PRELID3B: variants seen among roughly 807,000 people sequenced by gnomAD.
PRELID3B encodes PRELI domain containing protein 3B.
In PRELID3B, 15 loss-of-function variants were observed where a neutral mutation model predicts 24.0. The ratio of observed to expected loss-of-function variants is 0.63; its 90% CI spans 0.42 to 0.96. The LOEUF (loss-of-function observed/expected upper bound fraction) is 0.96. PRELID3B is among the 40% of genes least tolerant of loss of function. PRELID3B has a pLI of 0.00. For synonymous variants in PRELID3B, 62 were observed against 76.0 expected (o/e 0.82, Z 0.96); for missense variants, 189 against 236.0 (o/e 0.80, Z 1.30).
In PRELID3B at chr20:59,036,754, A is replaced by G. The variant is rs917875003; in HGVS notation, c.298T>C (p.Phe100Leu). Reference protein sequence around the residue: ...TMELKSTNISFTNMVSVDERL... With the variant: ...TMELKSTNISLTNMVSVDERL... Reference sequence around the variant, plus strand: ...TCATCTACTGAAACCATGTTTGTAAATGAAATCTACAGAATGAAGAAAAAA... The same window carrying G: ...TCATCTACTGAAACCATGTTTGTAAGTGAAATCTACAGAATGAAGAAAAAA... The change falls in exon 4 of 6, where the codon TTT (phenylalanine) becomes CTT (leucine). Residue 100 changes from phenylalanine to leucine, a missense_variant. Coordinates refer to ENST00000355937, the MANE Select transcript of PRELID3B (RefSeq NM_016045.3). 29 of 1,567,592 alleles carry G rather than the reference A, an allele frequency of 1.8e-5. No individual in the cohort carries two copies. The highest frequency in any genetic ancestry group is 3.6e-5 in the Admixed American group (2 of 55,758).
At chr20:59,042,588 C>T in intron 1 of PRELID3B, 111 bp downstream of exon 1, 1 of 1,269,318 alleles carries the variant, frequency 7.9e-7, no homozygotes, top group Non-Finnish European at 1.1e-6. Context: ...GAGTTCGCTC[C>T]CCTCGCTAGG....
chr20:59,037,311 AG>A, intron 2 of PRELID3B, 31 bp from the exon 3 acceptor site: 1 of 1,481,738 alleles, frequency 6.7e-7, no homozygotes. Flanking sequence ...TAGGAATCAG[AG>A]GAGGAAGAAT....
At position 59,042,750 on chromosome 20, in the gene PRELID3B, A is replaced by G; in HGVS notation, c.-20T>C. On this transcript the variant is annotated 5_prime_UTR_variant, in exon 1 of 6. Transcript: ENST00000355937. ...CTTCATGGTGCCGGCACCCTGAGAG[A>G]TGTCCGGGTAGCGCCAGGGGACAAC... The G allele has an allele frequency of 1.3e-6, 2 of 1,598,708 alleles. No homozygotes were observed. The highest frequency in any genetic ancestry group is 1.7e-6 in the Non-Finnish European group (2 of 1,173,420).
In PRELID3B at chr20:59,036,578, A is replaced by G. The variant is rs1456794806; in HGVS notation, c.363-5T>C. 1 of 1,610,186 alleles carries G rather than the reference A, an allele frequency of 6.2e-7. No homozygotes were observed. The highest frequency in any genetic ancestry group is 2.2e-5 in the East Asian group (1 of 44,880). ...GCTTCTTGTGTCAAAACAGTTCTGGAACAAAACATATTCACACAGGTTCAG... is the reference window on the plus strand; with the variant it reads ...GCTTCTTGTGTCAAAACAGTTCTGGGACAAAACATATTCACACAGGTTCAG... On this transcript the variant is annotated splice_polypyrimidine_tract_variant and splice_region_variant and intron_variant, in intron 4 of 5. Transcript: ENST00000355937.
rs754812373 is a variant in PRELID3B, at chr20:59,037,153, G to C, written c.291+38C>G. 4.1e-6 allele frequency: 6 copies of C among 1,478,416 alleles called. No individual in the cohort carries two copies. In the East Asian group the frequency reaches 1.1e-4, roughly 28 times the overall value. 91.6% of individuals were successfully genotyped at this position (1,478,416 alleles called of 1,614,324 possible). A position where few individuals can be genotyped will look rare whatever the true frequency, so the allele number is the denominator to read the frequency against. Reference sequence around the variant, plus strand: ...AGGAGAGGGACAAAGAACTCAGCCAGACAGTTCGAAATGAAACAAAAGGGA... The same window carrying C: ...AGGAGAGGGACAAAGAACTCAGCCACACAGTTCGAAATGAAACAAAAGGGA... On this transcript the variant is annotated intron_variant, in intron 3 of 5. Coordinates refer to ENST00000355937, the MANE Select transcript of PRELID3B (RefSeq NM_016045.3).
chr20:59,038,649 CAAAAAAAAA>C lies in PRELID3B; in HGVS notation c.33-24_33-16del, dbSNP rs61329417. Reference sequence around the variant, plus strand: ...CCCACGGGTGGCTGCCGATGTGAACCAAAAAAAAAAAAAAAAAAATTCAGACATTTAAAA... The same window carrying C: ...CCCACGGGTGGCTGCCGATGTGAACCAAAAAAAAAATTCAGACATTTAAAA... On this transcript the variant is annotated splice_polypyrimidine_tract_variant and intron_variant, in intron 1 of 5. Transcript: ENST00000355937. 32 of 1,304,054 alleles carry C rather than the reference CAAAAAAAAA, an allele frequency of 2.5e-5. No homozygotes were observed. Among genetic ancestry groups the C allele is most frequent in the Non-Finnish European group, 3.2e-5 (32 of 1,008,568 alleles). The allele number at this position is 1,304,054 out of a possible 1,614,324, so 80.8% of individuals were successfully genotyped here. A position where few individuals can be genotyped will look rare whatever the true frequency, so the allele number is the denominator to read the frequency against.
rs1257734005 is a variant in PRELID3B at position 59,037,402 on chromosome 20, A to G, written c.202-122T>C. 4 of 786,974 alleles carry G rather than the reference A, an allele frequency of 5.1e-6. No individual in the cohort carries two copies. In the Admixed American group the frequency reaches 6.1e-5, roughly 12 times the overall value. 48.7% of individuals were successfully genotyped at this position (786,974 alleles called of 1,614,324 possible). A position where few individuals can be genotyped will look rare whatever the true frequency, so the allele number is the denominator to read the frequency against. ...TTGAACCAAAAATCTGTTTTCTAAA[A>G]ACCAGAGGAAACAAGCAAAGGTCAG... On this transcript the variant is annotated intron_variant, in intron 2 of 5. Transcript: ENST00000355937.
chr20:59,035,248 T>A (rs1185181673), intron 5 of PRELID3B, 122 bp from the exon 6 acceptor site: 3 of 864,378 alleles, frequency 3.5e-6, no homozygotes, highest in Non-Finnish European at 5.1e-6. Flanking sequence ...GGATGACAGA[T>A]CGTTTTTGTC....
Position 59,036,554 on chromosome 20 carries a change from C to T in PRELID3B, c.382G>A (p.Ala128Thr). ...CTAACTCCTTTCACGGTAATTATGG[C>T]TTCTTGTGTCAAAACAGTTCTGGAA... Reference protein sequence around the residue: ...DPEKTVLTQEAIITVKGVSLS... With the variant: ...DPEKTVLTQETIITVKGVSLS... Residue 128 changes from alanine to threonine, a missense_variant, in exon 5 of 6, where the codon GCC becomes ACC. Ala to Thr is a moderately conservative substitution (Grantham distance 58). Coordinates refer to ENST00000355937, the MANE Select transcript of PRELID3B (RefSeq NM_016045.3). 2.5e-6 allele frequency: 4 copies of T among 1,614,124 alleles called. No homozygotes were observed. The highest frequency in any genetic ancestry group is 3.4e-6 in the Non-Finnish European group (4 of 1,179,966).
At chr20:59,035,964 T>TG (rs1568696800) in intron 5 of PRELID3B, among the ~76,000 whole-genome samples, 1 of 152,168 alleles carries the variant, frequency 6.6e-6, no homozygotes, top group Non-Finnish European at 1.5e-5. Context: ...AATTGGTTCT[T>TG]GGGGGGATGG....
At chr20:59,037,164 A>G in intron 3 of PRELID3B, 27 bp downstream of exon 3, 1 of 1,558,394 alleles carries the variant, frequency 6.4e-7, no homozygotes, top group African/African-American at 1.4e-5. Context: ...ACAGTTCGAA[A>G]TGAAACAAAA....
In PRELID3B at chr20:59,040,487, G is replaced by A. The variant is rs2092102960; in HGVS notation, c.33-1853C>T. Among the ~76,000 whole-genome samples the A allele has an allele frequency of 6.6e-6, 1 of 152,234 alleles. No individual in the cohort carries two copies. Among genetic ancestry groups the A allele is most frequent in the South Asian group, 2.1e-4 (1 of 4,832 alleles). On this transcript the variant is annotated intron_variant, in intron 1 of 5. Transcript: ENST00000355937. This position sits in a 1 kb window ranked among gnomAD's most constrained non-coding sequence, Gnocchi z 4.1. ...CTTATGAAAATGTAATCAATCCAAAGAACAGTGGCTGACACATACTGGGCA... is the reference window on the plus strand; with the variant it reads ...CTTATGAAAATGTAATCAATCCAAAAAACAGTGGCTGACACATACTGGGCA...
chr20:59,037,276 A>G lies in PRELID3B; in HGVS notation c.206T>C (p.Ile69Thr), dbSNP rs1400316082. 7 of 1,611,016 alleles carry G rather than the reference A, an allele frequency of 4.3e-6. No individual in the cohort carries two copies. The highest frequency in any genetic ancestry group is 1.7e-5 in the Admixed American group (1 of 59,964). ...WGLPSIVKSL[I>T]GAARTKTYVQ... ...ATATGTTTTCGTTCTTGCTGCACCA[A>G]TAAGCTAAGTAAAACATTCAGAACT... The change falls in exon 3 of 6, where the codon ATT becomes ACT. Residue 69 changes from isoleucine to threonine, a missense_variant. Ile to Thr is a moderately conservative substitution (Grantham distance 89, BLOSUM62 -1). Transcript: ENST00000355937.
intron 1 of PRELID3B, among the ~76,000 whole-genome samples, chr20:59,041,910 G>A (rs1486311695): frequency 2.0e-5 from 3 of 152,178 alleles, no homozygotes; most frequent in Non-Finnish European, 2.9e-5. Context: ...TTAAATTTGT[G>A]GCTCTTTTGT....
In PRELID3B at chr20:59,036,755, TG is replaced by T. The variant is rs777902887; in HGVS notation, c.296del (p.Ser99TyrfsTer8). On this transcript the variant is annotated frameshift_variant, in exon 4 of 6. Coordinates refer to ENST00000355937, the MANE Select transcript of PRELID3B (RefSeq NM_016045.3). LOFTEE classifies it high-confidence loss of function. ...KTMELKSTNI[S>X]FTNMVSVDER... ...CATCTACTGAAACCATGTTTGTAAA[TG>T]AAATCTACAGAATGAAGAAAAAAAA... 28 of 1,562,828 alleles carry T rather than the reference TG, an allele frequency of 1.8e-5. No homozygotes were observed. The highest frequency in any genetic ancestry group is 8.7e-7 in the Non-Finnish European group (1 of 1,146,242).
intron 1 of PRELID3B, among the ~76,000 whole-genome samples, chr20:59,041,020 A>T (rs2146395578): frequency 6.6e-6 from 1 of 152,358 alleles, no homozygotes; most frequent in East Asian, 1.9e-4. Context: ...TGAATGGGAA[A>T]AGACAGGGAA....
rs2092061968 is a variant in PRELID3B at position 59,035,089 on chromosome 20, T to C, written c.503A>G (p.Asn168Ser). 6.2e-7 allele frequency: 1 copy of C among 1,613,840 alleles called. No homozygotes were observed. The highest frequency in any genetic ancestry group is 1.7e-5 in the Admixed American group (1 of 59,958). The part of the protein sequence containing the change: ...EAMEWVIHKL[N>S]AEIEELTASA... Reference sequence around the variant, plus strand: ...GGCTGTCAGTTCTTCAATCTCAGCATTTAATTTATGTATTACCCATTCCAT... The same window carrying C: ...GGCTGTCAGTTCTTCAATCTCAGCACTTAATTTATGTATTACCCATTCCAT... The change falls in exon 6 of 6, where the codon AAT becomes AGT. Residue 168 changes from asparagine to serine, a missense_variant. By Grantham distance (46) the Asn-to-Ser change is conservative (BLOSUM62 1). Coordinates refer to ENST00000355937, the MANE Select transcript of PRELID3B (RefSeq NM_016045.3).
At chr20:59,036,650 C>T in intron 4 of PRELID3B, 40 bp downstream of exon 4, 2 of 1,576,380 alleles carry the variant, frequency 1.3e-6, no homozygotes, top group African/African-American at 1.4e-5. Flanking sequence ...AAACCTTAAA[C>T]ACCCTTTACG....
At chr20:59,042,001 C>T (rs908797449) in intron 1 of PRELID3B, among the ~76,000 whole-genome samples, 2 of 152,208 alleles carry the variant, frequency 1.3e-5, no homozygotes, top group Non-Finnish European at 2.9e-5. Flanking sequence ...GTAAACAGTT[C>T]ACATTATCCA....
Sources: allele counts gnomAD v4.1 joint callset (sites outside exome capture counted in the v4.1 genomes callset), GRCh38; gene constraint gnomAD v4.1.1; non-coding constraint Gnocchi (gnomAD v3.1); transcripts MANE v1.5; gene names NCBI Gene and HGNC (gene_info 2026-07-23, HGNC 2026-07-21).